The following CHLSN variants were observed in gnomAD, a reference collection of about 807,000 sequenced individuals.
CHLSN encodes the protein protein cholesin.
At chr7:1,123,221 A>G in the CHLSN span, among the ~76,000 whole-genome samples, 1 of 152,224 alleles carries the variant, frequency 6.6e-6, no homozygotes, top group Non-Finnish European at 1.5e-5. This position sits in a 1 kb window ranked among gnomAD's most constrained non-coding sequence, Gnocchi z 4.4. Context: ...CCTGAGTGGG[A>G]ACCGGAACGC....
the CHLSN span, among the ~76,000 whole-genome samples, chr7:1,065,699 G>A: frequency 2.2e-3 from 334 of 152,320 alleles, 1 homozygote; most frequent in Middle Eastern, 0.017. Context: ...CTCCCTTGCC[G>A]GGGTGCTGGT....
At chr7:1,084,539 G>C in the CHLSN span, among the ~76,000 whole-genome samples, 3 of 152,354 alleles carry the variant, frequency 2.0e-5, no homozygotes, top group African/African-American at 4.8e-5. Flanking sequence ...GGGGAGAAGC[G>C]AATGAGCCAG....
the CHLSN span, among the ~76,000 whole-genome samples, chr7:1,016,628 G>GCAGCGCACGCCAGGGCACAGCAGCGCA: frequency 2.0e-5 from 2 of 98,138 alleles, no homozygotes; most frequent in African/African-American, 9.6e-5. Flanking sequence ...CCAGAGCACA[G>GCAGCGCACGCCAGGGCACAGCAGCGCA]TAGCGCACGC....
At chr7:980,573 A>G in the CHLSN span, among the ~76,000 whole-genome samples, 4 of 152,082 alleles carry the variant, frequency 2.6e-5, no homozygotes, top group African/African-American at 9.7e-5. Flanking sequence ...ACAGCCTAAG[A>G]TTGGAAACAA....
At chr7:992,581 G>A in the CHLSN span, among the ~76,000 whole-genome samples, 2 of 152,386 alleles carry the variant, frequency 1.3e-5, no homozygotes, top group East Asian at 1.9e-4. Context: ...TCCAGTGCGG[G>A]GGTCCTGGTT....
At chr7:1,084,084 G>A in the CHLSN span, among the ~76,000 whole-genome samples, 1 of 152,244 alleles carries the variant, frequency 6.6e-6, no homozygotes, top group East Asian at 1.9e-4. Context: ...GTCAGGATAT[G>A]GCACGGAATG....
At chr7:1,043,610 C>T in the CHLSN span, 1 of 152,298 alleles carries the variant, frequency 6.6e-6, no homozygotes, top group Admixed American at 6.5e-5. Flanking sequence ...TGGTGCCGGG[C>T]TGGGCAGCAA....
At chr7:1,091,503 C>T in the CHLSN span, 2 of 525,104 alleles carry the variant, frequency 3.8e-6, no homozygotes, top group Non-Finnish European at 6.7e-6. Context: ...CCCTCGCCTC[C>T]ACGGATGCAC....
chr7:1,046,696 C>T, the CHLSN span, among the ~76,000 whole-genome samples: 2 of 151,430 alleles, frequency 1.3e-5, no homozygotes, highest in East Asian at 3.9e-4. Flanking sequence ...CCCCCTTGAG[C>T]AGCAGAGGGA....
chr7:984,896 C>T, the CHLSN span: 24 of 1,529,418 alleles, frequency 1.6e-5, no homozygotes, highest in East Asian at 2.5e-4. Flanking sequence ...ACTTGCCTGG[C>T]GGGGCTGGCT....
At chr7:1,070,670 C>A in the CHLSN span, among the ~76,000 whole-genome samples, 1 of 149,194 alleles carries the variant, frequency 6.7e-6, no homozygotes, top group African/African-American at 2.5e-5. Flanking sequence ...CACGCACATA[C>A]GCACACGTGC....
the CHLSN span, among the ~76,000 whole-genome samples, chr7:1,089,811 G>T: frequency 6.6e-6 from 1 of 151,166 alleles, no homozygotes; most frequent in Non-Finnish European, 1.5e-5. Flanking sequence ...GGCCCGGCGC[G>T]GTGGATCACA....
chr7:1,126,296 C>T, the CHLSN span, among the ~76,000 whole-genome samples: 1 of 133,774 alleles, frequency 7.5e-6, no homozygotes, highest in Non-Finnish European at 1.5e-5. Context: ...GGAGGCGGAG[C>T]TGGCAGTGAG....
the CHLSN span, among the ~76,000 whole-genome samples, chr7:1,116,619 G>C: frequency 1.5e-5 from 1 of 68,298 alleles, no homozygotes; most frequent in Non-Finnish European, 2.8e-5. Context: ...CGCCCACGCA[G>C]GATGATGACA....
the CHLSN span, among the ~76,000 whole-genome samples, chr7:1,005,483 G>C: frequency 6.6e-6 from 1 of 152,252 alleles, no homozygotes; most frequent in Admixed American, 6.5e-5. Flanking sequence ...GGCCCGAGCG[G>C]GGCTGGCGCG....
the CHLSN span, among the ~76,000 whole-genome samples, chr7:1,047,525 C>T: frequency 6.6e-6 from 1 of 152,260 alleles, no homozygotes; most frequent in African/African-American, 2.4e-5. Context: ...AAGCATCTGG[C>T]TCCTAGGAGC....
chr7:1,000,330 C>G, the CHLSN span: 67 of 683,276 alleles, frequency 9.8e-5, no homozygotes, highest in East Asian at 1.0e-3. Flanking sequence ...ACGTGCCTGC[C>G]CCGCCGTGCA....
chr7:984,999 G>C, the CHLSN span: 3 of 1,610,906 alleles, frequency 1.9e-6, no homozygotes, highest in Non-Finnish European at 2.5e-6. Flanking sequence ...GCCAGTTCAC[G>C]GTGCGTGCCC....
chr7:1,014,525 T>G, the CHLSN span, among the ~76,000 whole-genome samples: 743 of 152,332 alleles, frequency 4.9e-3, 7 homozygotes, highest in African/African-American at 0.017. Context: ...CCTGGAGATG[T>G]CCAAGGTGGG....
Sources: allele counts gnomAD v4.1 joint callset (sites outside exome capture counted in the v4.1 genomes callset), GRCh38; gene constraint gnomAD v4.1.1; non-coding constraint Gnocchi (gnomAD v3.1); transcripts MANE v1.5; gene names NCBI Gene and HGNC (gene_info 2026-07-23, HGNC 2026-07-21).